Variants in LIMS1 observed in about 807,000 individuals in gnomAD.
LIMS1 encodes LIM and senescent cell antigen-like-containing domain protein 1.
LIMS1 carries 18 observed loss-of-function variants against 44.1 expected under a neutral mutation model. That is an observed-to-expected ratio of 0.41 (90% CI 0.28 to 0.61). LIMS1 has a LOEUF of 0.61. Ranked by LOEUF, LIMS1 falls within the 20% of genes least tolerant of loss-of-function variation. The pLI, the probability that LIMS1 is intolerant of heterozygous loss-of-function variation, is 0.32. For synonymous variants in LIMS1, 93 were observed against 149.1 expected (o/e 0.62, Z 2.74); for missense variants, 201 against 422.0 (o/e 0.48, Z 4.59).
At chr2:108,644,490 A>G (rs1431188068) in intron 1 of LIMS1, among the ~76,000 whole-genome samples, 1 of 152,194 alleles carries the variant, frequency 6.6e-6, no homozygotes, top group African/African-American at 2.4e-5. Flanking sequence ...CCCCATCCGA[A>G]GGTCACCAAC....
intron 2 of LIMS1, among the ~76,000 whole-genome samples, chr2:108,666,058 C>T (rs1462695364): frequency 6.6e-6 from 1 of 151,012 alleles, no homozygotes; most frequent in African/African-American, 2.4e-5. Context: ...AGCAAGCAAT[C>T]GGTTCTGCAG....
chr2:108,577,815 A>G (rs529773435), intron 1 of LIMS1, among the ~76,000 whole-genome samples: 11 of 152,226 alleles, frequency 7.2e-5, no homozygotes, highest in South Asian at 2.1e-4. Context: ...ATGAAAATCT[A>G]TTTTTTCTGA....
intron 1 of LIMS1, among the ~76,000 whole-genome samples, chr2:108,615,158 A>G (rs11884746): frequency 0.012 from 1,854 of 152,296 alleles, 44 homozygotes; most frequent in African/African-American, 0.043. Flanking sequence ...ATACATATAT[A>G]TGTATCTAGT....
At chr2:108,686,340 T>A (rs1384960882) in exon 10 of LIMS1, 5 of 151,206 alleles carry the variant, frequency 3.3e-5, no homozygotes, top group African/African-American at 9.7e-5. Flanking sequence ...ATAAATAAAT[T>A]ATGAATGAGT....
intron 1 of LIMS1, among the ~76,000 whole-genome samples, chr2:108,622,855 A>T (rs183983865): frequency 6.6e-6 from 1 of 152,278 alleles, no homozygotes; most frequent in Non-Finnish European, 1.5e-5. Context: ...TATAAAAAAA[A>T]TTCTAAACCA....
chr2:108,670,612 G>T (rs1692101335), intron 2 of LIMS1, among the ~76,000 whole-genome samples, 169 bp from the exon 3 acceptor site: 2 of 151,978 alleles, frequency 1.3e-5, no homozygotes, highest in Non-Finnish European at 2.9e-5. Flanking sequence ...ACATGTAGAT[G>T]TATGGATGGT....
chr2:108,634,327 T>C (rs1689094191), intron 1 of LIMS1, among the ~76,000 whole-genome samples: 1 of 152,244 alleles, frequency 6.6e-6, no homozygotes, highest in African/African-American at 2.4e-5. Flanking sequence ...TCTATACCAA[T>C]GGGGAATGGG....
At chr2:108,636,716 G>C (rs1291738561) in intron 1 of LIMS1, among the ~76,000 whole-genome samples, 1 of 152,100 alleles carries the variant, frequency 6.6e-6, no homozygotes, top group Non-Finnish European at 1.5e-5. Context: ...TTTGAGAAGA[G>C]GTAAGGAATG....
At chr2:108,596,815 C>T (rs1445696362) in intron 1 of LIMS1, among the ~76,000 whole-genome samples, 1 of 150,382 alleles carries the variant, frequency 6.6e-6, no homozygotes. Flanking sequence ...AGCAAAACTC[C>T]GTCTCAAAAA....
chr2:108,603,513 T>C (rs1196163711), intron 1 of LIMS1, among the ~76,000 whole-genome samples: 3 of 148,386 alleles, frequency 2.0e-5, no homozygotes, highest in Non-Finnish European at 3.0e-5. Flanking sequence ...TTTTTTTTTT[T>C]TTTCCACTTG....
At chr2:108,578,269 A>G (rs1685744710) in intron 1 of LIMS1, among the ~76,000 whole-genome samples, 1 of 152,172 alleles carries the variant, frequency 6.6e-6, no homozygotes. Flanking sequence ...ACCATTTCTA[A>G]TTATGGTTCA....
chr2:108,602,764 T>G (rs1200896593), intron 1 of LIMS1, among the ~76,000 whole-genome samples: 2 of 152,092 alleles, frequency 1.3e-5, no homozygotes, highest in Non-Finnish European at 2.9e-5. Flanking sequence ...GTAGTTTTCT[T>G]TTATTATTAT....
intron 1 of LIMS1, among the ~76,000 whole-genome samples, chr2:108,542,043 A>C (rs1034110454): frequency 6.6e-6 from 1 of 152,244 alleles, no homozygotes; most frequent in African/African-American, 2.4e-5. Context: ...CAAGCTGCAC[A>C]GTAGGCTTTA....
intron 1 of LIMS1, chr2:108,588,255 T>G (rs905825515): frequency 1.3e-6 from 1 of 789,306 alleles, no homozygotes; most frequent in Non-Finnish European, 1.5e-6. Context: ...TGTCACATGA[T>G]TTGACTAAAT....
At chr2:108,684,824 G>T (rs2149030254) in exon 10 of LIMS1, 2 of 152,202 alleles carry the variant, frequency 1.3e-5, no homozygotes, top group African/African-American at 4.8e-5. Context: ...AAATTAAATT[G>T]TATGTAGCTT....
chr2:108,653,680 A>G (rs1176475039), intron 1 of LIMS1, among the ~76,000 whole-genome samples: 2 of 150,522 alleles, frequency 1.3e-5, no homozygotes, highest in African/African-American at 4.9e-5. Flanking sequence ...TATTTTGCCA[A>G]AGTTAATGAC....
intron 1 of LIMS1, among the ~76,000 whole-genome samples, chr2:108,615,625 GGCCTGGCACACTGAT>G (rs1209283937): frequency 2.6e-5 from 4 of 152,132 alleles, no homozygotes; most frequent in Non-Finnish European, 4.4e-5. Flanking sequence ...ACACCCCAAA[GGCCTGGCACACTGAT>G]GCCTTTGGGA....
intron 1 of LIMS1, among the ~76,000 whole-genome samples, chr2:108,558,482 TACA>T (rs1685002996): frequency 6.6e-6 from 1 of 152,022 alleles, no homozygotes; most frequent in Non-Finnish European, 1.5e-5. Flanking sequence ...GTGCTGGGAT[TACA>T]GGTGTGAGCC....
intron 1 of LIMS1, among the ~76,000 whole-genome samples, chr2:108,638,791 C>T (rs1344842253): frequency 1.3e-5 from 2 of 152,074 alleles, no homozygotes; most frequent in Admixed American, 6.5e-5. Flanking sequence ...CGCCTGTAAT[C>T]CCAGCACTTG....
Sources: gnomAD v4.1 joint callset for allele counts (sites outside exome capture counted in the v4.1 genomes callset) on GRCh38, gnomAD v4.1.1 for gene constraint, MANE v1.5 for transcripts, NCBI Gene and HGNC (gene_info 2026-07-23, HGNC 2026-07-21) for gene names.